Variants in GLIS3 observed in about 807,000 individuals in gnomAD.
GLIS3 encodes GLIS family zinc finger 3, also known as zinc finger protein GLIS3.
A neutral mutation model predicts 78.6 loss-of-function variants in GLIS3; 53 were observed. The observed-to-expected ratio is 0.67, with a 90% CI of 0.54 to 0.85. The LOEUF (loss-of-function observed/expected upper bound fraction) is 0.85, where lower values mean the gene tolerates loss of function less well. Ranked by LOEUF, GLIS3 falls within the 40% of genes least tolerant of loss-of-function variation. The probability of loss-of-function intolerance (pLI) is 0.00; values close to 1 mark genes in which losing one functional copy is unlikely to be tolerated. For synonymous variants in GLIS3, 684 were observed against 509.9 expected (o/e 1.34, Z -4.60); for missense variants, 1,703 against 1,231.1 (o/e 1.38, Z -5.74).
intron 2 of GLIS3, among the ~76,000 whole-genome samples, chr9:4,156,259 A>G (rs1039964918): frequency 6.6e-6 from 1 of 152,058 alleles, no homozygotes; most frequent in Non-Finnish European, 1.5e-5. Context: ...TTCTTCCTCC[A>G]TTATCTTAAT....
At chr9:4,157,902 A>G (rs961590518) in intron 2 of GLIS3, among the ~76,000 whole-genome samples, 9 of 152,222 alleles carry the variant, frequency 5.9e-5, no homozygotes, top group African/African-American at 1.9e-4. Flanking sequence ...TTAAATATCA[A>G]TAAATTTTAT....
At position 4,118,568 on chromosome 9, in the gene GLIS3, A is replaced by C. The variant is rs567792321; in HGVS notation, c.910T>G (p.Ser304Ala). 6.2e-7 allele frequency: 1 copy of C among 1,614,224 alleles called. No homozygotes were observed. ...ATGCCATCGGACAGCGGGGACAAGG[A>C]CAGCGCTCTCTTCTTGGAGCGGGCC... ...HSARSKKRAL[S>A]LSPLSDGIGI... The change falls in exon 4 of 11, where the codon TCC becomes GCC. Residue 304 changes from serine to alanine, a missense_variant. Ser to Ala is a moderately conservative substitution (Grantham distance 99). Coordinates refer to ENST00000381971, the MANE Select transcript of GLIS3 (RefSeq NM_001042413.2). The surrounding 1 kb of genome is among the most constrained non-coding windows in gnomAD (Gnocchi z 4.7).
chr9:4,060,980 C>T (rs1826599074), intron 4 of GLIS3, among the ~76,000 whole-genome samples: 1 of 152,124 alleles, frequency 6.6e-6, no homozygotes, highest in South Asian at 2.1e-4. Flanking sequence ...ACTTTCTGGC[C>T]TATCTCTTGC....
At chr9:3,988,670 A>AGTCC (rs2129729023) in intron 4 of GLIS3, among the ~76,000 whole-genome samples, 1 of 152,296 alleles carries the variant, frequency 6.6e-6, no homozygotes, top group East Asian at 1.9e-4. Flanking sequence ...TAGTCTTTAC[A>AGTCC]ACAATTGGTG....
intron 2 of GLIS3, among the ~76,000 whole-genome samples, chr9:4,168,259 T>G (rs890426505): frequency 6.6e-6 from 1 of 152,142 alleles, no homozygotes; most frequent in Non-Finnish European, 1.5e-5. Flanking sequence ...TGTAAATCAC[T>G]GTCTAAAGTA....
intron 2 of GLIS3, among the ~76,000 whole-genome samples, chr9:4,143,584 A>G (rs1481306543): frequency 6.6e-6 from 1 of 152,038 alleles, no homozygotes; most frequent in Non-Finnish European, 1.5e-5. Context: ...AATAAAAACA[A>G]AAAAAAACTA....
intron 2 of GLIS3, among the ~76,000 whole-genome samples, chr9:4,282,109 C>G (rs959423964): frequency 6.6e-6 from 1 of 152,192 alleles, no homozygotes; most frequent in Non-Finnish European, 1.5e-5. Context: ...GTCTGTGTAG[C>G]AATTCTTAGG....
intron 2 of GLIS3, among the ~76,000 whole-genome samples, chr9:4,332,517 G>C (rs1817700922): frequency 6.6e-6 from 1 of 152,162 alleles, no homozygotes; most frequent in Admixed American, 6.5e-5. Context: ...CGTCTTGCTG[G>C]CTGAAACAGT....
chr9:3,907,051 G>A (rs982301904), intron 6 of GLIS3, among the ~76,000 whole-genome samples: 2 of 152,132 alleles, frequency 1.3e-5, no homozygotes, highest in Admixed American at 6.5e-5. Flanking sequence ...AAGAAGAACT[G>A]CAGAATCCAC....
intron 4 of GLIS3, among the ~76,000 whole-genome samples, chr9:4,047,434 C>T (rs1480113815): frequency 6.6e-6 from 1 of 152,046 alleles, no homozygotes; most frequent in South Asian, 2.1e-4. Context: ...TTTTATATTA[C>T]TTTTTTAGAC....
chr9:3,887,267 A>G (rs377186004), intron 7 of GLIS3, among the ~76,000 whole-genome samples: 1 of 152,144 alleles, frequency 6.6e-6, no homozygotes, highest in Non-Finnish European at 1.5e-5. Context: ...ACATGCTACC[A>G]CAAGCTAATT....
intron 2 of GLIS3, among the ~76,000 whole-genome samples, chr9:4,324,663 A>G (rs1817577491): frequency 6.6e-6 from 1 of 152,242 alleles, no homozygotes; most frequent in Admixed American, 6.5e-5. Flanking sequence ...CACATAGTCC[A>G]GGATTCAAAT....
intron 2 of GLIS3, among the ~76,000 whole-genome samples, chr9:4,243,726 G>A (rs1017102301): frequency 1.3e-5 from 2 of 152,200 alleles, no homozygotes; most frequent in Admixed American, 1.3e-4. Context: ...TCTTAAAATA[G>A]TGTAGCCTCT....
intron 7 of GLIS3, among the ~76,000 whole-genome samples, chr9:3,895,721 C>G (rs1479592993): frequency 1.3e-5 from 2 of 152,182 alleles, no homozygotes; most frequent in African/African-American, 2.4e-5. Flanking sequence ...TCATGCTGTG[C>G]AAAGTATCCT....
intron 6 of GLIS3, among the ~76,000 whole-genome samples, chr9:3,902,535 T>C (rs1025849720): frequency 2.6e-5 from 4 of 152,222 alleles, no homozygotes; most frequent in African/African-American, 9.6e-5. Flanking sequence ...TCAGGAATAG[T>C]TAAAGAAGAT....
chr9:3,949,412 C>G lies in GLIS3; in HGVS notation c.1711-12223G>C, dbSNP rs183582654. 2.2e-3 allele frequency among the ~76,000 whole-genome samples: 337 copies of G among 152,202 alleles called. 2 individuals carry two copies. The highest frequency in any genetic ancestry group is 7.8e-3 in the African/African-American group (324 of 41,518). ...GTGAGCCACTCAGAAGCCTGGGCTGCTGAGAAAAAAATGCAAAGTGATACC... is the reference window on the plus strand; with the variant it reads ...GTGAGCCACTCAGAAGCCTGGGCTGGTGAGAAAAAAATGCAAAGTGATACC... On this transcript the variant is annotated intron_variant, in intron 4 of 10. Coordinates refer to ENST00000381971, the MANE Select transcript of GLIS3 (RefSeq NM_001042413.2).
chr9:3,874,355 G>C (rs527769865), intron 8 of GLIS3, among the ~76,000 whole-genome samples: 16 of 152,354 alleles, frequency 1.1e-4, no homozygotes, highest in Admixed American at 9.1e-4. Flanking sequence ...GGCCTGGAGA[G>C]GGCATGGAGG....
chr9:3,929,163 A>C (rs182201097), intron 6 of GLIS3, among the ~76,000 whole-genome samples: 7 of 152,220 alleles, frequency 4.6e-5, no homozygotes, highest in Non-Finnish European at 8.8e-5. Context: ...GTATTTCGCT[A>C]CCCATTTTTC....
intron 4 of GLIS3, among the ~76,000 whole-genome samples, chr9:3,974,122 T>C (rs190633010): frequency 5.5e-4 from 83 of 152,266 alleles, no homozygotes; most frequent in Middle Eastern, 3.4e-3. Context: ...TTCCCAACCA[T>C]ACATGAAAAC....
Sources: gnomAD v4.1 joint callset for allele counts (sites outside exome capture counted in the v4.1 genomes callset) on GRCh38, gnomAD v4.1.1 for gene constraint, Gnocchi (gnomAD v3.1) non-coding constraint, MANE v1.5 for transcripts, NCBI Gene and HGNC (gene_info 2026-07-23, HGNC 2026-07-21) for gene names.